Variants in MYO16 observed in about 807,000 individuals in gnomAD.
The protein encoded by MYO16 is unconventional myosin-XVI.
MYO16 carries 94 observed loss-of-function variants against 205.3 expected under a neutral mutation model. That is an observed-to-expected ratio of 0.46 (90% confidence interval 0.39 to 0.54). MYO16 has a LOEUF of 0.54. MYO16 is among the 20% of genes least tolerant of loss of function. The pLI, the probability that MYO16 is intolerant of heterozygous loss-of-function variation, is 0.00. For missense variants in MYO16, 2,315 were observed against 2,387.5 expected, an observed-to-expected ratio of 0.97 and a Z score of 0.63; for synonymous variants, 988 against 954.0, an observed-to-expected ratio of 1.04 and a Z score of -0.66.
chr13:109,035,741 T>C (rs1886695767), intron 23 of MYO16, among the ~76,000 whole-genome samples: 1 of 152,176 alleles, frequency 6.6e-6, no homozygotes, highest in Non-Finnish European at 1.5e-5. Context: ...CTGCAAACCC[T>C]GCTCCCTTGC....
At chr13:108,833,798 G>A (rs919844237) in intron 9 of MYO16, among the ~76,000 whole-genome samples, 1 of 151,948 alleles carries the variant, frequency 6.6e-6, no homozygotes, top group Non-Finnish European at 1.5e-5. Context: ...TTGTCTGCTG[G>A]TATATTCTCA....
intron 27 of MYO16, among the ~76,000 whole-genome samples, chr13:109,099,724 G>A (rs1007218730): frequency 1.2e-4 from 19 of 152,110 alleles, no homozygotes; most frequent in African/African-American, 3.9e-4. Flanking sequence ...TAAGACACAC[G>A]TGTGATTCCC....
At chr13:108,531,271 G>A in the MYO16 span, among the ~76,000 whole-genome samples, 1 of 152,178 alleles carries the variant, frequency 6.6e-6, no homozygotes, top group Admixed American at 6.5e-5. Context: ...CCCTTGAAGG[G>A]TTTTACACAT....
At chr13:108,763,997 G>A (rs188271976) in intron 4 of MYO16, among the ~76,000 whole-genome samples, 87 of 152,254 alleles carry the variant, frequency 5.7e-4, no homozygotes, top group Admixed American at 1.2e-3. Context: ...AAAGCCAGAT[G>A]TTTGTATGGT....
chr13:108,793,697 T>C lies in MYO16; in HGVS notation c.741+57T>C, dbSNP rs2138946163. 5 of 1,506,474 alleles carry C rather than the reference T, an allele frequency of 3.3e-6. No homozygotes were observed. The South Asian group carries it at 6.1e-5, about 18-fold the overall frequency. 93.3% of individuals were successfully genotyped at this position (1,506,474 alleles called of 1,614,324 possible). ...TGAATAGAGAATTTAAGTTGATCTA[T>C]AAAACATAGAATTCATTAAATTAAC... is the stretch of plus-strand genomic sequence containing the variant. On this transcript the variant is annotated intron_variant, in intron 6 of 34. Transcript: ENST00000457511.
Position 109,016,900 on chromosome 13 carries a change from G to A in MYO16, c.2596-2811G>A, listed in dbSNP as rs573588757. Among the ~76,000 whole-genome samples, 11 of 152,084 alleles carry A rather than the reference G, an allele frequency of 7.2e-5. No homozygotes were observed. In the East Asian group the frequency reaches 7.7e-4, roughly 11 times the overall value. ...GTCTCCTGAATACAGCACACTGATGGGTCTTGACTCTTTATCCTGTTTGCC... is the reference window on the plus strand; with the variant it reads ...GTCTCCTGAATACAGCACACTGATGAGTCTTGACTCTTTATCCTGTTTGCC... On this transcript the variant is annotated intron_variant, in intron 22 of 34. Coordinates refer to ENST00000457511, the MANE Select transcript of MYO16 (RefSeq NM_001198950.3).
chr13:108,852,778 G>A (rs952701695), intron 10 of MYO16, among the ~76,000 whole-genome samples: 4 of 152,098 alleles, frequency 2.6e-5, no homozygotes, highest in Non-Finnish European at 4.4e-5. Flanking sequence ...GAGGCACTGG[G>A]CCAAATTTTC....
chr13:108,844,348 C>T lies in MYO16; in HGVS notation c.1103C>T (p.Pro368Leu). 1 of 1,610,920 alleles carries T rather than the reference C, an allele frequency of 6.2e-7. No homozygotes were observed. Among genetic ancestry groups the T allele is most frequent in the Non-Finnish European group, 8.5e-7 (1 of 1,178,172 alleles). ...ATTGATTTTTTTTCCTGTAGCAGTC[C>T]CCTGGTGTTACCAATTGCCAAGCAA... ...DLPVLSSKLS[P>L]LVLPIAKQDS... Residue 368 changes from proline to leucine, a missense_variant, in exon 10 of 35, where the codon CCC becomes CTC. Transcript: ENST00000457511.
chr13:108,570,085 T>G, the MYO16 span, among the ~76,000 whole-genome samples: 1 of 152,200 alleles, frequency 6.6e-6, no homozygotes, highest in African/African-American at 2.4e-5. Flanking sequence ...TATCTATACA[T>G]AGTATTATTA....
intron 29 of MYO16, among the ~76,000 whole-genome samples, chr13:109,120,921 G>A (rs144434076): frequency 0.026 from 3,930 of 152,076 alleles, 67 homozygotes; most frequent in Middle Eastern, 0.078. Context: ...ATGGTGGGAC[G>A]CAACAATAGT....
chr13:108,808,251 C>G (rs1887175158), intron 7 of MYO16, among the ~76,000 whole-genome samples: 1 of 151,720 alleles, frequency 6.6e-6, no homozygotes, highest in Non-Finnish European at 1.5e-5. Flanking sequence ...TAGGCATAGA[C>G]CTTCCAGAGG....
chr13:108,613,227 G>T (rs1879239052), intron 1 of MYO16, among the ~76,000 whole-genome samples: 1 of 152,178 alleles, frequency 6.6e-6, no homozygotes, highest in Non-Finnish European at 1.5e-5. Context: ...TCATTTGTGT[G>T]TCTGGGAAAT....
At chr13:108,894,218 C>T (rs767800820) in intron 14 of MYO16, among the ~76,000 whole-genome samples, 17 of 152,080 alleles carry the variant, frequency 1.1e-4, no homozygotes, top group Non-Finnish European at 2.1e-4. Flanking sequence ...CTCAATCACC[C>T]CCCACCGGGT....
chr13:108,995,657 T>A (rs1041322672), intron 21 of MYO16, among the ~76,000 whole-genome samples: 2 of 152,166 alleles, frequency 1.3e-5, no homozygotes, highest in African/African-American at 4.8e-5. Flanking sequence ...TTCTCATTGT[T>A]CAATTCCCAC....
chr13:108,676,851 G>A (rs141808571), intron 2 of MYO16, among the ~76,000 whole-genome samples: 38 of 152,144 alleles, frequency 2.5e-4, no homozygotes, highest in African/African-American at 7.0e-4. Context: ...TCCCCAACCC[G>A]CCAGGAACAC....
chr13:108,503,953 C>A, the MYO16 span, among the ~76,000 whole-genome samples: 1 of 138,258 alleles, frequency 7.2e-6, no homozygotes, highest in Non-Finnish European at 1.6e-5. Flanking sequence ...AAGAATTTAT[C>A]ATAGGTTTTA....
At chr13:108,994,712 G>A (rs1594454333) in intron 21 of MYO16, among the ~76,000 whole-genome samples, 1 of 151,958 alleles carries the variant, frequency 6.6e-6, no homozygotes, top group Non-Finnish European at 1.5e-5. Flanking sequence ...TTCTTCACTC[G>A]AACGTCAACT....
At chr13:108,941,360 A>G (rs1555315518) in intron 16 of MYO16, among the ~76,000 whole-genome samples, 1 of 152,172 alleles carries the variant, frequency 6.6e-6, no homozygotes, top group Admixed American at 6.5e-5. Flanking sequence ...GCCCCAAAGC[A>G]TTCTGGAGCG....
chr13:109,147,103 A>G (rs275945), intron 32 of MYO16, among the ~76,000 whole-genome samples: 53,023 of 151,696 alleles, frequency 0.35, 9,461 homozygotes, highest in East Asian at 0.47. Flanking sequence ...TTCTTGGGCT[A>G]GCATTCCACC....
Sources: allele counts gnomAD v4.1 joint callset (sites outside exome capture counted in the v4.1 genomes callset), GRCh38; gene constraint gnomAD v4.1.1; transcripts MANE v1.5; gene names NCBI Gene and HGNC (gene_info 2026-07-23, HGNC 2026-07-21).